Variants in ASTN1 observed in about 807,000 individuals in gnomAD.
ASTN1 encodes astrotactin-1.
Under a neutral mutation model 140.7 loss-of-function variants are expected in ASTN1, and 41 were observed. The ratio of observed to expected loss-of-function variants is 0.29; its 90% CI spans 0.23 to 0.38. The LOEUF (loss-of-function observed/expected upper bound fraction) is 0.38. Ranked by LOEUF, ASTN1 falls within the 10% of genes least tolerant of loss-of-function variation. The probability of loss-of-function intolerance (pLI) is 1.00; values close to 1 mark genes in which losing one functional copy is unlikely to be tolerated. For synonymous variants in ASTN1, 640 were observed against 652.2 expected (o/e 0.98, Z 0.29); for missense variants, 1,479 against 1,678.8 (o/e 0.88, Z 2.08).
chr1:177,023,829 AGGGAG>A (rs1675956899), intron 6 of ASTN1, among the ~76,000 whole-genome samples: 1 of 152,154 alleles, frequency 6.6e-6, no homozygotes, highest in African/African-American at 2.4e-5. Flanking sequence ...CCGTCTTTCC[AGGGAG>A]TTCCTAAGGA....
intron 12 of ASTN1, among the ~76,000 whole-genome samples, chr1:176,947,794 C>T (rs569488792): frequency 7.8e-4 from 119 of 152,340 alleles, no homozygotes; most frequent in African/African-American, 2.7e-3. Flanking sequence ...CCACTGTAAA[C>T]TCCTTTGAGG....
Position 176,944,008 on chromosome 1 carries a change from A to G in ASTN1, c.2260T>C (p.Phe754Leu). The part of the protein sequence containing the change: ...VLKGTFRQNN[F>L]ARGLDQQLPD... ...AGTTGCTGGTCTAAACCACGAGCAA[A>G]GTTGTTTTGCCTAGAAAGAGGGTAG... Residue 754 changes from phenylalanine (F) to leucine (L), a missense_variant, in exon 14 of 23, where the codon TTT (phenylalanine) becomes CTT (leucine). Phe to Leu is a conservative substitution (Grantham distance 22). Coordinates refer to ENST00000361833, the MANE Select transcript of ASTN1 (RefSeq NM_004319.3). 1 of 1,613,828 alleles carries G rather than the reference A, an allele frequency of 6.2e-7. No individual in the cohort carries two copies.
intron 2 of ASTN1, among the ~76,000 whole-genome samples, chr1:177,036,174 C>T (rs899164584): frequency 5.3e-5 from 8 of 151,370 alleles, no homozygotes; most frequent in Non-Finnish European, 1.2e-4. Flanking sequence ...CCTCAGCCTC[C>T]TGAGTAGCTG....
chr1:177,043,615 G>A (rs547454215), intron 2 of ASTN1, among the ~76,000 whole-genome samples: 1 of 152,342 alleles, frequency 6.6e-6, no homozygotes, highest in East Asian at 1.9e-4. Flanking sequence ...AACCCTGGGA[G>A]AACAATGGGT....
At position 177,081,317 on chromosome 1, in the gene ASTN1, C is replaced by T. The variant is rs1159204441; in HGVS notation, c.284-20052G>A. On this transcript the variant is annotated intron_variant, in intron 1 of 22. Coordinates refer to ENST00000361833, the MANE Select transcript of ASTN1 (RefSeq NM_004319.3). ...TACTTTTTATGAATTGTATTTCATG[C>T]CAATTACTAAAGATTACAAATATGA... Among the ~76,000 whole-genome samples, 5 of 152,064 alleles carry T rather than the reference C, an allele frequency of 3.3e-5. No homozygotes were observed. In the East Asian group the frequency reaches 9.7e-4, roughly 29 times the overall value.
intron 2 of ASTN1, among the ~76,000 whole-genome samples, chr1:177,040,283 C>T (rs770627110): frequency 5.3e-5 from 8 of 152,188 alleles, no homozygotes; most frequent in Non-Finnish European, 7.3e-5. Flanking sequence ...CCAGTTGCCA[C>T]GGGCCACTAA....
At chr1:176,948,390 T>C (rs1672042130) in intron 12 of ASTN1, among the ~76,000 whole-genome samples, 1 of 152,180 alleles carries the variant, frequency 6.6e-6, no homozygotes, top group Non-Finnish European at 1.5e-5. Flanking sequence ...TTTATAAATA[T>C]AGCATAAAAT....
intron 13 of ASTN1, among the ~76,000 whole-genome samples, chr1:176,944,628 G>T (rs996766302): frequency 2.0e-5 from 3 of 152,208 alleles, no homozygotes; most frequent in African/African-American, 7.2e-5. Flanking sequence ...GTAAATACAT[G>T]TCGGAGTAAG....
intron 16 of ASTN1, among the ~76,000 whole-genome samples, chr1:176,896,635 A>C (rs758071414): frequency 6.6e-6 from 1 of 152,166 alleles, no homozygotes; most frequent in Non-Finnish European, 1.5e-5. Context: ...TTAATGCCTC[A>C]TGGCATTTCT....
intron 1 of ASTN1, among the ~76,000 whole-genome samples, chr1:177,150,745 AAGT>A (rs1266856625): frequency 6.6e-6 from 1 of 152,120 alleles, no homozygotes. Context: ...AGGAATTATA[AAGT>A]AGAAAGCTGA....
At chr1:176,979,841 T>C (rs567718570) in intron 8 of ASTN1, among the ~76,000 whole-genome samples, 1 of 152,258 alleles carries the variant, frequency 6.6e-6, no homozygotes, top group South Asian at 2.1e-4. Context: ...AGTTTGTGTG[T>C]GTAAGAAAGA....
intron 21 of ASTN1, among the ~76,000 whole-genome samples, chr1:176,874,411 A>G (rs1017252824): frequency 3.9e-5 from 6 of 152,218 alleles, no homozygotes; most frequent in Non-Finnish European, 7.3e-5. Flanking sequence ...CTTCTTCACC[A>G]GTATTTAAAG....
chr1:177,041,382 T>G (rs1438284315), intron 2 of ASTN1, among the ~76,000 whole-genome samples: 1 of 152,198 alleles, frequency 6.6e-6, no homozygotes, highest in Non-Finnish European at 1.5e-5. Flanking sequence ...CAAATGTGTG[T>G]ATTATGTACA....
At chr1:176,884,955 C>T (rs186709846) in intron 18 of ASTN1, among the ~76,000 whole-genome samples, 1 of 152,226 alleles carries the variant, frequency 6.6e-6, no homozygotes, top group African/African-American at 2.4e-5. Flanking sequence ...GCTTCCATAA[C>T]CTTATCAGGA....
intron 1 of ASTN1, among the ~76,000 whole-genome samples, chr1:177,121,633 A>C (rs556656734): frequency 3.4e-4 from 52 of 152,278 alleles, no homozygotes; most frequent in African/African-American, 1.2e-3. Context: ...GATTTGTAAA[A>C]GTTAGCATTT....
At chr1:176,996,131 G>A (rs1172156976) in intron 8 of ASTN1, among the ~76,000 whole-genome samples, 2 of 152,034 alleles carry the variant, frequency 1.3e-5, no homozygotes, top group African/African-American at 2.4e-5. Flanking sequence ...TCTAAGTAAT[G>A]GCTTTGTTAA....
At chr1:177,040,243 C>T (rs1159515588) in intron 2 of ASTN1, among the ~76,000 whole-genome samples, 1 of 152,204 alleles carries the variant, frequency 6.6e-6, no homozygotes, top group Non-Finnish European at 1.5e-5. Flanking sequence ...TGGGGGTTTT[C>T]TGAAGTCTTT....
chr1:176,901,899 A>T (rs1669782344), intron 16 of ASTN1, among the ~76,000 whole-genome samples: 1 of 152,236 alleles, frequency 6.6e-6, no homozygotes, highest in South Asian at 2.1e-4. Context: ...GTTGAAAACA[A>T]ATCTTTTGTC....
chr1:177,158,243 GT>G (rs2102261581), intron 1 of ASTN1, among the ~76,000 whole-genome samples: 1 of 152,172 alleles, frequency 6.6e-6, no homozygotes, highest in South Asian at 2.1e-4. Context: ...AATACTTTGG[GT>G]TTTTTATTAA....
Sources: allele counts gnomAD v4.1 joint callset (sites outside exome capture counted in the v4.1 genomes callset), GRCh38; gene constraint gnomAD v4.1.1; transcripts MANE v1.5; gene names NCBI Gene and HGNC (gene_info 2026-07-23, HGNC 2026-07-21).